Variants in PHIP observed in about 807,000 individuals in gnomAD.
The protein encoded by PHIP is PHIP subunit of CUL4-Ring ligase complex.
PHIP carries 54 observed loss-of-function variants against 236.8 expected under a neutral mutation model. The ratio of observed to expected loss-of-function variants is 0.23; its 90% CI spans 0.18 to 0.29. The LOEUF is 0.29. PHIP is among the 10% of genes least tolerant of loss of function. The pLI, the probability that PHIP is intolerant of heterozygous loss-of-function variation, is 1.00. For missense variants in PHIP, 1,370 were observed against 2,190.8 expected, an observed-to-expected ratio of 0.63 and a Z score of 7.48; for synonymous variants, 756 against 718.9, an observed-to-expected ratio of 1.05 and a Z score of -0.83.
chr6:79,043,046 A>G, intron 6 of PHIP, 43 bp from the exon 7 acceptor site: 1 of 1,485,524 alleles, frequency 6.7e-7, no homozygotes, highest in Non-Finnish European at 9.3e-7. Flanking sequence ...CTGGAAATTA[A>G]TTTTCTTACA....
At chr6:78,963,396 G>A (rs955069830) in intron 29 of PHIP, 144 bp from the exon 30 acceptor site, 2 of 561,514 alleles carry the variant, frequency 3.6e-6, no homozygotes, top group African/African-American at 4.0e-5. Context: ...ACAAAGGAAA[G>A]TATGTTTTAA....
At chr6:78,991,108 G>A (rs891397061) in intron 19 of PHIP, 123 bp from the exon 20 acceptor site, 42 of 634,364 alleles carry the variant, frequency 6.6e-5, no homozygotes, top group Non-Finnish European at 1.1e-4. Context: ...GGAAGCATGT[G>A]ATAAAGATTT....
intron 22 of PHIP, 51 bp downstream of exon 22, chr6:78,985,301 C>A (rs1554200980): frequency 9.9e-7 from 1 of 1,010,596 alleles, no homozygotes; most frequent in Non-Finnish European, 1.5e-6. Context: ...AAAAAAACAC[C>A]TTTCTAAAGA....
chr6:79,077,777 GC>G, intron 2 of PHIP, 48 bp from the exon 3 acceptor site: 1 of 975,690 alleles, frequency 1.0e-6, no homozygotes, highest in Non-Finnish European at 1.2e-6. Context: ...CCGGGCCGCG[GC>G]CCCGCCGCCG....
intron 19 of PHIP, among the ~76,000 whole-genome samples, chr6:78,995,033 T>A (rs1208022783): frequency 1.3e-5 from 2 of 152,204 alleles, no homozygotes; most frequent in African/African-American, 2.4e-5. Flanking sequence ...ACCTGCAATA[T>A]CCCCAAAGTA....
intron 10 of PHIP, 138 bp from the exon 11 acceptor site, chr6:79,017,721 A>T (rs1770901780): frequency 1.7e-6 from 1 of 594,570 alleles, no homozygotes; most frequent in South Asian, 2.3e-5. Flanking sequence ...TTTATCCTAA[A>T]TATATAACAC....
chr6:78,956,311 G>A (rs968361104), intron 32 of PHIP: 5 of 151,954 alleles, frequency 3.3e-5, no homozygotes, highest in African/African-American at 1.2e-4. Context: ...TAGTGGTCAA[G>A]GGCTGTGAAC....
chr6:79,057,618 T>C (rs1169330193), intron 6 of PHIP, among the ~76,000 whole-genome samples: 2 of 152,078 alleles, frequency 1.3e-5, no homozygotes, highest in African/African-American at 4.8e-5. Context: ...AAAGCTAAAA[T>C]ATCAAGAATT....
chr6:79,004,326 T>C (rs950614913), intron 15 of PHIP: 5 of 769,142 alleles, frequency 6.5e-6, no homozygotes, highest in African/African-American at 1.9e-5. Flanking sequence ...GTCTGACTCG[T>C]CTTTTAAATG....
chr6:78,990,666 G>A (rs1237022902), intron 20 of PHIP, among the ~76,000 whole-genome samples: 1 of 151,956 alleles, frequency 6.6e-6, no homozygotes, highest in Non-Finnish European at 1.5e-5. Context: ...TGGCACTTTG[G>A]GAAAGGGTAT....
chr6:79,074,505 A>T (rs973061297), intron 4 of PHIP, among the ~76,000 whole-genome samples: 2 of 152,136 alleles, frequency 1.3e-5, no homozygotes, highest in Non-Finnish European at 2.9e-5. Context: ...TGATACTTGG[A>T]AAAAGTGCCC....
intron 6 of PHIP, among the ~76,000 whole-genome samples, chr6:79,048,261 C>G (rs1228076712): frequency 2.0e-5 from 3 of 151,894 alleles, no homozygotes; most frequent in Admixed American, 6.6e-5. Context: ...TGCTTTCTTC[C>G]TGTTGTTGGG....
In PHIP at chr6:78,990,912, G is replaced by A; in HGVS notation, c.2275C>T (p.His759Tyr). ...KTYRSEEKRK[H>Y]LTVPKENKIP... ...TTATTCTCTTTTGGAACAGTTAAGT[G>A]TTTTCTTTTCTCTTCTGACCTGTAA... is the stretch of plus-strand genomic sequence containing the variant. The change falls in exon 20 of 40, where the codon CAC becomes TAC. Residue 759 changes from histidine (H) to tyrosine (Y), a missense_variant. This residue lies in a region of PHIP where 99 missense variants were observed against 110.0 expected (regional missense o/e 0.90). Coordinates refer to ENST00000275034, the MANE Select transcript of PHIP (RefSeq NM_017934.7). 6.2e-7 allele frequency: 1 copy of A among 1,608,566 alleles called. No homozygotes were observed. Among genetic ancestry groups the A allele is most frequent in the Non-Finnish European group, 8.5e-7 (1 of 1,175,560 alleles).
rs923798631 is a variant in PHIP at position 78,935,662 on chromosome 6, C to T, written c.*5031G>A. 2.0e-5 allele frequency: 20 copies of T among 983,528 alleles called. No individual in the cohort carries two copies. The highest frequency in any genetic ancestry group is 1.9e-4 in the South Asian group (4 of 21,254). 60.9% of individuals were successfully genotyped at this position (983,528 alleles called of 1,614,324 possible). ...GTTGTTTTGGAATTAAATTACATTT[C>T]GGCACCCAAATATCTTTTAACTGAC... On this transcript the variant is annotated 3_prime_UTR_variant, in exon 40 of 40. Transcript: ENST00000275034.
chr6:79,054,902 T>C (rs890904425), intron 6 of PHIP, among the ~76,000 whole-genome samples: 3 of 151,698 alleles, frequency 2.0e-5, no homozygotes, highest in African/African-American at 7.2e-5. Context: ...ACTAGTCTTC[T>C]CAGAGAATCA....
At chr6:78,950,133 G>C (rs757314663) in intron 35 of PHIP, among the ~76,000 whole-genome samples, 2 of 152,142 alleles carry the variant, frequency 1.3e-5, no homozygotes, top group Non-Finnish European at 2.9e-5. Context: ...TGGATTACTT[G>C]ATATAATCAT....
chr6:79,042,863 T>C lies in PHIP; in HGVS notation c.580A>G (p.Thr194Ala), dbSNP rs1224232923. Reference protein sequence around the residue: ...SSVYCVTFDRTGRRIFTGSDD... With the variant: ...SSVYCVTFDRAGRRIFTGSDD... Reference sequence around the variant, plus strand: ...CTTACAGTAAATATCCGTCTGCCAGTTCGATCAAAAGTTACACAGTACACA... The same window carrying C: ...CTTACAGTAAATATCCGTCTGCCAGCTCGATCAAAAGTTACACAGTACACA... Residue 194 changes from threonine (T) to alanine (A), a missense_variant, in exon 7 of 40, where the codon ACT becomes GCT. Physicochemically the swap from Thr to Ala is moderately conservative, Grantham distance 58. Around this residue, in one of 14 missense-constraint regions of PHIP, gnomAD observed 82 missense variants for 203.2 expected, o/e 0.40. Coordinates refer to ENST00000275034, the MANE Select transcript of PHIP (RefSeq NM_017934.7). 6.2e-7 allele frequency: 1 copy of C among 1,601,820 alleles called. No individual in the cohort carries two copies. The highest frequency in any genetic ancestry group is 8.5e-7 in the Non-Finnish European group (1 of 1,176,444).
At chr6:79,031,966 G>T (rs534236793) in intron 7 of PHIP, among the ~76,000 whole-genome samples, 8 of 152,234 alleles carry the variant, frequency 5.3e-5, no homozygotes, top group African/African-American at 1.9e-4. Flanking sequence ...GATACCGCAG[G>T]CTCAGTTCCA....
Position 78,946,153 on chromosome 6 carries a change from T to G in PHIP, c.4478A>C (p.Gln1493Pro). Residue 1493 changes from glutamine (Q) to proline (P), a missense_variant, in exon 38 of 40, where the codon CAG (glutamine) becomes CCG (proline). Coordinates refer to ENST00000275034, the MANE Select transcript of PHIP (RefSeq NM_017934.7). Reference protein sequence around the residue: ...RSIPPRHNAAQINGKTESSSV... With the variant: ...RSIPPRHNAAPINGKTESSSV... The stretch of plus-strand genomic sequence containing the variant: ...ACTAGATTCTGTTTTACCGTTTATC[T>G]GAGCAGCATTGTGTCTTGGCGGTAT... 12 of 1,614,132 alleles carry G rather than the reference T, an allele frequency of 7.4e-6. No individual in the cohort carries two copies. The highest frequency in any genetic ancestry group is 9.3e-6 in the Non-Finnish European group (11 of 1,179,974).
Sources: allele counts gnomAD v4.1 joint callset (sites outside exome capture counted in the v4.1 genomes callset), GRCh38; gene constraint gnomAD v4.1.1; regional missense constraint gnomAD v4.1.1; transcripts MANE v1.5; gene names NCBI Gene and HGNC (gene_info 2026-07-23, HGNC 2026-07-21).